The following SLC5A4 variants were observed in gnomAD, a reference collection of about 807,000 sequenced individuals.
SLC5A4 encodes the protein solute carrier family 5 member 4.
SLC5A4 carries 55 observed loss-of-function variants against 70.3 expected under a neutral mutation model. That is an observed-to-expected ratio of 0.78 (90% CI 0.63 to 0.98). SLC5A4 has a LOEUF of 0.98. SLC5A4 is among the 50% of genes least tolerant of loss of function. SLC5A4 has a pLI of 0.00. For missense variants in SLC5A4, 735 were observed against 839.2 expected, an observed-to-expected ratio of 0.88 and a Z score of 1.53; for synonymous variants, 268 against 305.7, an observed-to-expected ratio of 0.88 and a Z score of 1.29.
At chr22:32,306,297 C>A in the SLC5A4 span, among the ~76,000 whole-genome samples, 1 of 140,198 alleles carries the variant, frequency 7.1e-6, no homozygotes, top group East Asian at 2.4e-4. Context: ...AACCCTATCT[C>A]TACTAAAAAT....
At chr22:32,247,622 C>T (rs1926906370) in intron 4 of SLC5A4, 107 bp from the exon 5 acceptor site, 4 of 727,486 alleles carry the variant, frequency 5.5e-6, no homozygotes, top group South Asian at 4.7e-5. Context: ...TGTGTGTGGC[C>T]CCTTCCTGGT....
At chr22:32,233,201 A>C (rs1451996403) in intron 8 of SLC5A4, among the ~76,000 whole-genome samples, 167 bp from the exon 9 acceptor site, 1 of 152,244 alleles carries the variant, frequency 6.6e-6, no homozygotes, top group Non-Finnish European at 1.5e-5. Context: ...ACAATAGCCA[A>C]CATGTGGAAT....
At chr22:32,260,446 G>A in the SLC5A4 span, among the ~76,000 whole-genome samples, 1 of 151,644 alleles carries the variant, frequency 6.6e-6, no homozygotes, top group Non-Finnish European at 1.5e-5. Flanking sequence ...AACGGTGGAG[G>A]AGTGCTTCCA....
At chr22:32,243,194 G>A (rs745620153) in intron 5 of SLC5A4, among the ~76,000 whole-genome samples, 3 of 152,132 alleles carry the variant, frequency 2.0e-5, no homozygotes, top group Non-Finnish European at 1.5e-5. Context: ...AATGCATAAC[G>A]TGAATCCAAC....
the SLC5A4 span, among the ~76,000 whole-genome samples, chr22:32,292,396 ATATT>A: frequency 6.8e-6 from 1 of 148,022 alleles, no homozygotes; most frequent in Non-Finnish European, 1.5e-5. Context: ...TACTAGATAT[ATATT>A]TGTTTTTTTC....
the SLC5A4 span, among the ~76,000 whole-genome samples, chr22:32,309,664 C>T: frequency 6.6e-6 from 1 of 152,128 alleles, no homozygotes; most frequent in Non-Finnish European, 1.5e-5. Flanking sequence ...TACACACACA[C>T]ACCTGCTTTC....
the SLC5A4 span, among the ~76,000 whole-genome samples, chr22:32,305,614 C>G: frequency 1.4e-5 from 2 of 148,004 alleles, 1 homozygote; most frequent in African/African-American, 5.0e-5. Context: ...CTCCACTGTG[C>G]AGCCTGTCCC....
At chr22:32,343,612 C>A in the SLC5A4 span, among the ~76,000 whole-genome samples, 9 of 152,178 alleles carry the variant, frequency 5.9e-5, no homozygotes, top group Non-Finnish European at 1.2e-4. Flanking sequence ...TTGCTTACAT[C>A]CATAAGCAGT....
At chr22:32,305,666 C>T in the SLC5A4 span, among the ~76,000 whole-genome samples, 4 of 137,016 alleles carry the variant, frequency 2.9e-5, no homozygotes, top group Non-Finnish European at 4.7e-5. Context: ...CTGTGTTCAG[C>T]GTGAGGGACA....
At chr22:32,269,872 G>A in the SLC5A4 span, 13 of 593,032 alleles carry the variant, frequency 2.2e-5, no homozygotes, top group Non-Finnish European at 4.0e-5. This position sits in a 1 kb window ranked among gnomAD's most constrained non-coding sequence, Gnocchi z 4.1. Context: ...GATGGCATGC[G>A]TAGCGTCCGA....
At chr22:32,239,424 G>T (rs1926253843) in intron 5 of SLC5A4, among the ~76,000 whole-genome samples, 1 of 146,234 alleles carries the variant, frequency 6.8e-6, no homozygotes, top group African/African-American at 2.5e-5. Flanking sequence ...GACTGTGATG[G>T]AGTATTTAGA....
At chr22:32,269,384 TA>T in the SLC5A4 span, 1 of 438,212 alleles carries the variant, frequency 2.3e-6, no homozygotes, top group East Asian at 5.5e-5. This position sits in a 1 kb window ranked among gnomAD's most constrained non-coding sequence, Gnocchi z 4.1. Flanking sequence ...CTGTAGAAGC[TA>T]CCTCATCGAT....
At chr22:32,259,502 T>C (rs1840690142), upstream of SLC5A4, among the ~76,000 whole-genome samples, 1 of 152,222 alleles carries the variant, frequency 6.6e-6, no homozygotes, top group African/African-American at 2.4e-5. Flanking sequence ...GCATGCTACA[T>C]TGACTGATTT....
chr22:32,225,894 T>C (rs1925370141), intron 11 of SLC5A4, 71 bp from the exon 12 acceptor site: 1 of 1,062,738 alleles, frequency 9.4e-7, no homozygotes, highest in Non-Finnish European at 1.3e-6. Context: ...GCTTTAGTTC[T>C]AGCGTTCATT....
intron 12 of SLC5A4, 146 bp downstream of exon 12, chr22:32,225,509 C>G: frequency 1.6e-6 from 1 of 607,046 alleles, no homozygotes. Flanking sequence ...TAGCAAGGAT[C>G]AGGAATTGTG....
At chr22:32,338,010 T>C in the SLC5A4 span, among the ~76,000 whole-genome samples, 11,908 of 151,452 alleles carry the variant, frequency 0.079, 621 homozygotes, top group Middle Eastern at 0.15. Context: ...TGAACTCTCT[T>C]GAGTCAGTGT....
chr22:32,250,001 AG>A (rs1365959014), intron 3 of SLC5A4, among the ~76,000 whole-genome samples: 2 of 152,278 alleles, frequency 1.3e-5, no homozygotes, highest in African/African-American at 2.4e-5. Flanking sequence ...GGCAGTCAAA[AG>A]ATTGGACACC....
chr22:32,312,256 G>A, the SLC5A4 span, among the ~76,000 whole-genome samples: 1 of 152,046 alleles, frequency 6.6e-6, no homozygotes, highest in African/African-American at 2.4e-5. Context: ...TGACACGGAT[G>A]AGAACCCCCA....
chr22:32,239,529 TA>T (rs2145676766), intron 5 of SLC5A4, among the ~76,000 whole-genome samples: 1 of 8,310 alleles, frequency 1.2e-4, no homozygotes, highest in East Asian at 2.4e-3. Context: ...TATATATATA[TA>T]TATATATATA....
Sources: allele counts gnomAD v4.1 joint callset (sites outside exome capture counted in the v4.1 genomes callset), GRCh38; gene constraint gnomAD v4.1.1; non-coding constraint Gnocchi (gnomAD v3.1); transcripts MANE v1.5; gene names NCBI Gene and HGNC (gene_info 2026-07-23, HGNC 2026-07-21).